LGI1: variants seen among roughly 807,000 people sequenced by gnomAD.
LGI1 encodes the protein leucine rich glioma inactivated 1.
In LGI1, 11 loss-of-function variants were observed where a neutral mutation model predicts 57.7. The observed-to-expected ratio is 0.19, with a 90% CI of 0.12 to 0.32. LGI1 has a LOEUF of 0.32. LGI1 is among the 10% of genes least tolerant of loss of function. The pLI is 1.00. For synonymous variants in LGI1, 222 were observed against 241.9 expected, an observed-to-expected ratio of 0.92 and a Z score of 0.76; for missense variants, 422 against 661.9, an observed-to-expected ratio of 0.64 and a Z score of 3.98.
intron 4 of LGI1, 60 bp downstream of exon 4, chr10:93,777,677 C>T: frequency 2.2e-6 from 3 of 1,366,036 alleles, no homozygotes; most frequent in Non-Finnish European, 3.1e-6. Context: ...AGTTTGATCA[C>T]CTGTGGTTAA....
chr10:93,783,268 C>T (rs1047110994), intron 4 of LGI1, among the ~76,000 whole-genome samples: 1 of 152,022 alleles, frequency 6.6e-6, no homozygotes. Flanking sequence ...CCCAGCTACT[C>T]GGGAGGCTGA....
intron 2 of LGI1, chr10:93,764,375 G>A (rs935127918): frequency 6.6e-6 from 1 of 152,060 alleles, no homozygotes; most frequent in Non-Finnish European, 1.5e-5. Context: ...TATGTGCCTG[G>A]CCTCCTTAAA....
intron 2 of LGI1, chr10:93,771,151 GTTAATTCTGTTAA>G (rs1209097934): frequency 6.6e-6 from 1 of 152,170 alleles, no homozygotes; most frequent in Non-Finnish European, 1.5e-5. Context: ...GGGAGATTCT[GTTAATTCTGTTAA>G]TTATTCAACA....
At chr10:93,784,680 C>T (rs2059880941) in intron 4 of LGI1, among the ~76,000 whole-genome samples, 2 of 152,158 alleles carry the variant, frequency 1.3e-5, no homozygotes, top group South Asian at 4.1e-4. Flanking sequence ...CATAATTTTT[C>T]TTCCTCCTAT....
At chr10:93,778,456 A>G (rs937723894) in intron 4 of LGI1, among the ~76,000 whole-genome samples, 2 of 152,170 alleles carry the variant, frequency 1.3e-5, no homozygotes, top group Admixed American at 6.5e-5. Flanking sequence ...TAAGGAAACT[A>G]GAAGAGCATG....
chr10:93,790,443 G>C, intron 5 of LGI1: 1 of 423,254 alleles, frequency 2.4e-6, no homozygotes, highest in Non-Finnish European at 4.2e-6. Flanking sequence ...AAAGGACTTT[G>C]ACGGGGTGGG....
At chr10:93,783,216 A>G (rs1389564917) in intron 4 of LGI1, among the ~76,000 whole-genome samples, 1 of 152,018 alleles carries the variant, frequency 6.6e-6, no homozygotes, top group Non-Finnish European at 1.5e-5. Context: ...CTCTACTAAA[A>G]ATACAAAAAA....
At chr10:93,772,464 G>A (rs1459289412) in intron 2 of LGI1, among the ~76,000 whole-genome samples, 3 of 151,894 alleles carry the variant, frequency 2.0e-5, no homozygotes, top group Non-Finnish European at 4.4e-5. Context: ...CATTGGAATC[G>A]ATAATTTAAA....
At chr10:93,768,474 C>CCTGG (rs1446465355) in intron 2 of LGI1, 1 of 152,286 alleles carries the variant, frequency 6.6e-6, no homozygotes, top group East Asian at 1.9e-4. Flanking sequence ...GAAGATGAGG[C>CCTGG]CTGGCATGGA....
At chr10:93,777,349 C>T in intron 2 of LGI1, 30 bp from the exon 3 acceptor site, 1 of 1,597,754 alleles carries the variant, frequency 6.3e-7, no homozygotes, top group African/African-American at 1.3e-5. Flanking sequence ...GTCAGTTTCA[C>T]CATTTTCATT....
Position 93,758,251 on chromosome 10 carries a change from A to C in LGI1, c.107A>C (p.Lys36Thr). 1.2e-6 allele frequency: 2 copies of C among 1,614,196 alleles called. No homozygotes were observed. Among genetic ancestry groups the C allele is most frequent in the Non-Finnish European group, 1.7e-6 (2 of 1,180,036 alleles). ...GCGCTTTTGCTGACTGAGGGGAAGA[A>C]ACCAGCGAAGCCAAAATGCCCTGCC... ...LSALLLTEGK[K>T]PAKPKCPAVC... Residue 36 changes from lysine to threonine, a missense_variant, in exon 1 of 8, where the codon AAA (lysine) becomes ACA (threonine). Lys to Thr is a moderately conservative substitution (Grantham distance 78). Coordinates refer to ENST00000371418, the MANE Select transcript of LGI1 (RefSeq NM_005097.4). This position sits in a 1 kb window ranked among gnomAD's most constrained non-coding sequence, Gnocchi z 4.7.
chr10:93,773,363 G>C (rs2059758630), intron 2 of LGI1, among the ~76,000 whole-genome samples: 1 of 152,174 alleles, frequency 6.6e-6, no homozygotes, highest in African/African-American at 2.4e-5. Flanking sequence ...AAAGGGTACT[G>C]AACCAGGGGT....
At chr10:93,759,136 G>T (rs932306716) in intron 2 of LGI1, 3 of 394,114 alleles carry the variant, frequency 7.6e-6, no homozygotes, top group South Asian at 2.3e-5. Flanking sequence ...TTTTAACTTG[G>T]GAACTTGGGT....
At position 93,758,724 on chromosome 10, in the gene LGI1, C is replaced by A; in HGVS notation, c.216-36C>A. Reference sequence around the variant, plus strand: ...TGTGTGTGTGTCTCTTTGTGTGTGTCTGTTTGTTTGTTTTCTCTTTTTTGT... The same window carrying A: ...TGTGTGTGTGTCTCTTTGTGTGTGTATGTTTGTTTGTTTTCTCTTTTTTGT... On this transcript the variant is annotated intron_variant, in intron 1 of 7. Coordinates refer to ENST00000371418, the MANE Select transcript of LGI1 (RefSeq NM_005097.4). This position sits in a 1 kb window ranked among gnomAD's most constrained non-coding sequence, Gnocchi z 4.7. The A allele has an allele frequency of 1.4e-6, 2 of 1,439,576 alleles. No individual in the cohort carries two copies. The highest frequency in any genetic ancestry group is 2.0e-6 in the Non-Finnish European group (2 of 1,024,192). The allele number at this position is 1,439,576 out of a possible 1,614,324, so 89.2% of individuals were successfully genotyped here. A position where few individuals can be genotyped will look rare whatever the true frequency, so the allele number is the denominator to read the frequency against.
intron 4 of LGI1, among the ~76,000 whole-genome samples, chr10:93,783,938 G>C (rs1330988151): frequency 2.0e-5 from 3 of 152,102 alleles, no homozygotes; most frequent in Non-Finnish European, 4.4e-5. Context: ...CTCGAACCAG[G>C]GAGGCGGAAG....
At chr10:93,766,512 C>T (rs372990030) in intron 2 of LGI1, among the ~76,000 whole-genome samples, 26 of 84,564 alleles carry the variant, frequency 3.1e-4, no homozygotes, top group East Asian at 8.7e-4. Context: ...TTATAGATCT[C>T]TTTTTTTTTT....
chr10:93,761,509 C>T (rs1032613160), intron 2 of LGI1, among the ~76,000 whole-genome samples: 2 of 152,070 alleles, frequency 1.3e-5, no homozygotes, highest in African/African-American at 4.8e-5. Context: ...CAGTATGCCC[C>T]CAGATGCTTT....
chr10:93,763,279 GAC>G lies in LGI1; in HGVS notation c.287+4464_287+4465del, dbSNP rs754588623. 295 of 136,618 alleles carry G rather than the reference GAC, an allele frequency of 2.2e-3. 3 individuals are homozygous for G. Among genetic ancestry groups the G allele is most frequent in the Non-Finnish European group, 2.4e-3 (146 of 61,412 alleles). 8.5% of individuals were successfully genotyped at this position (136,618 alleles called of 1,614,324 possible). On this transcript the variant is annotated intron_variant, in intron 2 of 7. Coordinates refer to ENST00000371418, the MANE Select transcript of LGI1 (RefSeq NM_005097.4). ...TCACATCATTGACTCTACACACACA[GAC>G]ACACACACACACACAGACACACACA...
At chr10:93,766,522 T>TTTTTTTTTTTTTTTTTTTA in intron 2 of LGI1, among the ~76,000 whole-genome samples, 1 of 138,496 alleles carries the variant, frequency 7.2e-6, no homozygotes, top group Non-Finnish European at 1.6e-5. Flanking sequence ...CTTTTTTTTT[T>TTTTTTTTTTTTTTTTTTTA]GAGACGGAGT....
Sources: allele counts gnomAD v4.1 joint callset (sites outside exome capture counted in the v4.1 genomes callset), GRCh38; gene constraint gnomAD v4.1.1; non-coding constraint Gnocchi (gnomAD v3.1); transcripts MANE v1.5; gene names NCBI Gene and HGNC (gene_info 2026-07-23, HGNC 2026-07-21).